The following FBXO21 variants were observed in gnomAD, a reference collection of about 807,000 sequenced individuals.
FBXO21 encodes F-box only protein 21.
FBXO21 carries 32 observed loss-of-function variants against 76.6 expected under a neutral mutation model. The ratio of observed to expected loss-of-function variants is 0.42; its 90% CI spans 0.32 to 0.56. The LOEUF (loss-of-function observed/expected upper bound fraction) is 0.56, where lower values mean the gene tolerates loss of function less well. FBXO21 is among the 20% of genes least tolerant of loss of function. The pLI is 0.16. For missense variants in FBXO21, 586 were observed against 797.3 expected, an observed-to-expected ratio of 0.73 and a Z score of 3.19; for synonymous variants, 328 against 311.5, an observed-to-expected ratio of 1.05 and a Z score of -0.56.
intron 11 of FBXO21, among the ~76,000 whole-genome samples, chr12:117,146,805 C>G (rs1457252199): frequency 6.6e-6 from 1 of 152,162 alleles, no homozygotes; most frequent in East Asian, 1.9e-4. Flanking sequence ...CAGCCTCTTT[C>G]CAGGGCTGCT....
chr12:117,151,307 T>TA (rs1489632269), intron 11 of FBXO21, among the ~76,000 whole-genome samples: 2 of 151,644 alleles, frequency 1.3e-5, no homozygotes, highest in Non-Finnish European at 2.9e-5. Flanking sequence ...AACACAACAT[T>TA]ACACACATGC....
chr12:117,181,236 A>C (rs1286666475), intron 3 of FBXO21, among the ~76,000 whole-genome samples: 2 of 152,134 alleles, frequency 1.3e-5, no homozygotes, highest in African/African-American at 4.8e-5. Context: ...TAAGTTGTTA[A>C]GTTTCTGTGC....
At chr12:117,177,483 G>T (rs1956187221) in intron 4 of FBXO21, 37 bp downstream of exon 4, 2 of 1,582,296 alleles carry the variant, frequency 1.3e-6, no homozygotes, top group East Asian at 4.5e-5. Context: ...GTTACCTACA[G>T]AAATACTACT....
chr12:117,179,097 A>G (rs895895118), intron 3 of FBXO21, among the ~76,000 whole-genome samples: 7 of 152,218 alleles, frequency 4.6e-5, no homozygotes, highest in African/African-American at 1.7e-4. Context: ...GAAACAAACA[A>G]CTTGCCAATC....
chr12:117,171,045 A>G (rs1003093754), intron 7 of FBXO21, among the ~76,000 whole-genome samples: 5 of 152,200 alleles, frequency 3.3e-5, no homozygotes, highest in Non-Finnish European at 2.9e-5. Context: ...AACACACAGA[A>G]GTAATGAACC....
At chr12:117,187,140 G>A (rs1013012810) in intron 2 of FBXO21, among the ~76,000 whole-genome samples, 8 of 150,816 alleles carry the variant, frequency 5.3e-5, no homozygotes, top group Admixed American at 4.6e-4. Context: ...AGGCGGCGGC[G>A]GCAGGTGCAG....
At chr12:117,167,451 A>G (rs1956065716) in intron 7 of FBXO21, among the ~76,000 whole-genome samples, 1 of 152,184 alleles carries the variant, frequency 6.6e-6, no homozygotes, top group Non-Finnish European at 1.5e-5. Context: ...ATCTGAAGAA[A>G]GTTACAGAAC....
At chr12:117,166,495 A>C (rs994213837) in intron 8 of FBXO21, among the ~76,000 whole-genome samples, 3 of 151,998 alleles carry the variant, frequency 2.0e-5, no homozygotes, top group African/African-American at 7.3e-5. Context: ...GTTAGTCTAA[A>C]ACTGCTCTAA....
chr12:117,155,083 G>A (rs1955895394), intron 11 of FBXO21: 1 of 152,234 alleles, frequency 6.6e-6, no homozygotes, highest in Non-Finnish European at 1.5e-5. Flanking sequence ...ATTAATAAAT[G>A]TGAATTATTA....
intron 11 of FBXO21, 112 bp downstream of exon 11, chr12:117,155,679 G>T (rs1413382998): frequency 8.0e-7 from 1 of 1,249,038 alleles, no homozygotes; most frequent in Admixed American, 2.3e-5. Context: ...TGGGGCGTCG[G>T]CCGCCTCTGA....
At chr12:117,177,468 A>T (rs1056659144) in intron 4 of FBXO21, 52 bp downstream of exon 4, 1 of 1,545,698 alleles carries the variant, frequency 6.5e-7, no homozygotes, top group African/African-American at 1.4e-5. Context: ...TTAAAAAACT[A>T]ATCAGTTACC....
At chr12:117,168,385 G>A (rs1285086532) in intron 7 of FBXO21, among the ~76,000 whole-genome samples, 5 of 152,056 alleles carry the variant, frequency 3.3e-5, no homozygotes, top group African/African-American at 9.7e-5. Flanking sequence ...TTAGCTGGGC[G>A]TGGTGGTGCA....
At chr12:117,160,313 A>G (rs1332898941) in intron 9 of FBXO21, among the ~76,000 whole-genome samples, 1 of 152,106 alleles carries the variant, frequency 6.6e-6, no homozygotes, top group Non-Finnish European at 1.5e-5. Flanking sequence ...CTGTCCCTGA[A>G]TTCCAGGTTC....
chr12:117,188,075 T>C (rs1306333239), intron 2 of FBXO21, among the ~76,000 whole-genome samples: 1 of 152,250 alleles, frequency 6.6e-6, no homozygotes, highest in African/African-American at 2.4e-5. Flanking sequence ...TAACTAACAG[T>C]AATTAAAATT....
In FBXO21 at chr12:117,145,034, G is replaced by A. The variant is rs1003773280; in HGVS notation, c.*1053C>T. ...TTGAAGTGACTCTAAGGAATAACAA[G>A]AGGTGTGAAACCACTTTTTTTCCCT... is the stretch of plus-strand genomic sequence containing the variant. On this transcript the variant is annotated 3_prime_UTR_variant, in exon 12 of 12. Transcript: ENST00000622495. 1 of 150,594 alleles carries A rather than the reference G, an allele frequency of 6.6e-6. No individual in the cohort carries two copies. The highest frequency in any genetic ancestry group is 2.4e-5 in the African/African-American group (1 of 41,102). 9.3% of individuals were successfully genotyped at this position (150,594 alleles called of 1,614,324 possible).
chr12:117,179,545 A>G (rs367743877), intron 3 of FBXO21, among the ~76,000 whole-genome samples: 4 of 152,204 alleles, frequency 2.6e-5, no homozygotes, highest in South Asian at 4.1e-4. Flanking sequence ...CTGTACCCAC[A>G]TGATGTAGTT....
chr12:117,176,002 G>A (rs1055254301), intron 4 of FBXO21, among the ~76,000 whole-genome samples: 3 of 152,314 alleles, frequency 2.0e-5, no homozygotes, highest in African/African-American at 7.2e-5. Flanking sequence ...ATACAAATGA[G>A]GGGATTCTAG....
intron 4 of FBXO21, among the ~76,000 whole-genome samples, chr12:117,176,931 G>GTTT (rs1232338906): frequency 6.6e-6 from 1 of 151,346 alleles, no homozygotes; most frequent in Non-Finnish European, 1.5e-5. Context: ...ATAATTTATG[G>GTTT]GAATGTTTGT....
chr12:117,173,067 C>G (rs1018685685), intron 6 of FBXO21, among the ~76,000 whole-genome samples: 5 of 151,252 alleles, frequency 3.3e-5, no homozygotes, highest in African/African-American at 1.2e-4. Context: ...TGGAGTCCCG[C>G]TCTGTTGCCC....
Sources: gnomAD v4.1 joint callset for allele counts (sites outside exome capture counted in the v4.1 genomes callset) on GRCh38, gnomAD v4.1.1 for gene constraint, MANE v1.5 for transcripts, NCBI Gene and HGNC (gene_info 2026-07-23, HGNC 2026-07-21) for gene names.